The following FMN2 variants were observed in gnomAD, a reference collection of about 807,000 sequenced individuals.
The protein encoded by FMN2 is formin 2, also known as formin-2.
Under a neutral mutation model 142.3 loss-of-function variants are expected in FMN2, and 51 were observed. That is an observed-to-expected ratio of 0.36 (90% confidence interval 0.29 to 0.45). FMN2 has a LOEUF of 0.45. Ranked by LOEUF, FMN2 falls within the 20% of genes least tolerant of loss-of-function variation. The pLI is 1.00. For missense variants in FMN2, 1,936 were observed against 2,122.8 expected, an observed-to-expected ratio of 0.91 and a Z score of 1.73; for synonymous variants, 882 against 869.8, an observed-to-expected ratio of 1.01 and a Z score of -0.25.
chr1:240,302,415 A>G (rs1670231388), intron 8 of FMN2, among the ~76,000 whole-genome samples: 1 of 152,076 alleles, frequency 6.6e-6, no homozygotes, highest in South Asian at 2.1e-4. Context: ...AGAAAAATGA[A>G]TAAAAGAGAT....
intron 2 of FMN2, among the ~76,000 whole-genome samples, chr1:240,148,753 G>C (rs1043189891): frequency 6.6e-6 from 1 of 152,092 alleles, no homozygotes; most frequent in Non-Finnish European, 1.5e-5. Flanking sequence ...GGCCGAGGCG[G>C]GCGGATCACG....
intron 4 of FMN2, among the ~76,000 whole-genome samples, chr1:240,205,196 A>G (rs2103380833): frequency 6.6e-6 from 1 of 152,240 alleles, no homozygotes; most frequent in East Asian, 1.9e-4. Flanking sequence ...TGTTGCAGGA[A>G]ACCCTGGAAC....
chr1:240,280,581 A>G (rs904864977), intron 7 of FMN2, among the ~76,000 whole-genome samples: 1 of 152,166 alleles, frequency 6.6e-6, no homozygotes, highest in African/African-American at 2.4e-5. Flanking sequence ...TTACAAGAGC[A>G]TAAATGTTTA....
chr1:240,464,914 G>A lies in FMN2; in HGVS notation c.5061-7458G>A, dbSNP rs553402309. Among the ~76,000 whole-genome samples, 3 of 152,254 alleles carry A rather than the reference G, an allele frequency of 2.0e-5. No individual in the cohort carries two copies. The South Asian group carries it at 6.2e-4, about 32-fold the overall frequency. On this transcript the variant is annotated intron_variant, in intron 16 of 17. Transcript: ENST00000319653. ...ATTCCTGATCATTTGGGGTGCAAGC[G>A]CAGTGTTTTCTCTGAGAAAGTCAGA...
intron 8 of FMN2, among the ~76,000 whole-genome samples, chr1:240,322,899 C>A (rs565257582): frequency 7.0e-4 from 107 of 152,194 alleles, no homozygotes; most frequent in Non-Finnish European, 1.5e-3. Context: ...TTGTCTATGT[C>A]ATAACTTCTC....
At chr1:240,174,899 T>C (rs1664854974) in intron 2 of FMN2, among the ~76,000 whole-genome samples, 1 of 152,238 alleles carries the variant, frequency 6.6e-6, no homozygotes. Context: ...GTTATGTATA[T>C]TCACATTGTT....
In FMN2 at chr1:240,436,405, A is replaced by G. The variant is rs570679471; in HGVS notation, c.4911-1656A>G. On this transcript the variant is annotated intron_variant, in intron 15 of 17. Coordinates refer to ENST00000319653, the MANE Select transcript of FMN2 (RefSeq NM_020066.5). ...ATAGGCAAGTTTAAACACAGAGCAG[A>G]TTAGTCATACATTGGTAACCCACAG... 5.7e-4 allele frequency among the ~76,000 whole-genome samples: 87 copies of G among 152,326 alleles called. 1 individual carries two copies. In the South Asian group the frequency reaches 0.017, roughly 30 times the overall value.
At chr1:240,435,306 A>C (rs1054246791) in intron 15 of FMN2, among the ~76,000 whole-genome samples, 1 of 152,046 alleles carries the variant, frequency 6.6e-6, no homozygotes. Context: ...TGTGCTTTAT[A>C]TAACAGAGCC....
At chr1:240,419,783 G>T (rs939202266) in intron 15 of FMN2, among the ~76,000 whole-genome samples, 4 of 152,096 alleles carry the variant, frequency 2.6e-5, no homozygotes, top group Non-Finnish European at 5.9e-5. Context: ...TTGGTCAGGG[G>T]GTCCTGGATC....
intron 2 of FMN2, chr1:240,170,602 A>G: frequency 5.7e-6 from 9 of 1,573,916 alleles, no homozygotes; most frequent in South Asian, 1.1e-5. Flanking sequence ...GGGAACCAGC[A>G]CATTTTCTGA....
intron 14 of FMN2, 27 bp from the exon 15 acceptor site, chr1:240,392,484 T>G (rs1673636749): frequency 6.3e-7 from 1 of 1,598,744 alleles, no homozygotes; most frequent in Non-Finnish European, 8.6e-7. Flanking sequence ...ATTTATCTCA[T>G]GTACTTTTAT....
intron 16 of FMN2, among the ~76,000 whole-genome samples, chr1:240,450,666 A>G: frequency 6.6e-6 from 1 of 152,226 alleles, no homozygotes; most frequent in East Asian, 1.9e-4. Flanking sequence ...TAGATGAAAG[A>G]ACGTGCTCCT....
At chr1:240,144,762 A>T in intron 2 of FMN2, 1 of 1,344,148 alleles carries the variant, frequency 7.4e-7, no homozygotes, top group Non-Finnish European at 1.1e-6. Context: ...ATAAGGTCAC[A>T]GGCCTCATGC....
At chr1:240,428,484 C>T (rs1475600476) in intron 15 of FMN2, among the ~76,000 whole-genome samples, 2 of 152,136 alleles carry the variant, frequency 1.3e-5, no homozygotes, top group African/African-American at 4.8e-5. Context: ...GCCTTGGCAT[C>T]CTTAAGTGTT....
intron 13 of FMN2, among the ~76,000 whole-genome samples, chr1:240,335,989 C>T (rs1671541084): frequency 6.6e-6 from 1 of 151,490 alleles, no homozygotes; most frequent in Non-Finnish European, 1.5e-5. Context: ...ACTAAAAATA[C>T]AAAATTAGCC....
chr1:240,345,103 T>A (rs1291675422), intron 13 of FMN2, among the ~76,000 whole-genome samples: 1 of 152,222 alleles, frequency 6.6e-6, no homozygotes, highest in Non-Finnish European at 1.5e-5. Context: ...AACTGCTCAT[T>A]CTTCTAGATG....
intron 2 of FMN2, among the ~76,000 whole-genome samples, chr1:240,129,269 C>A (rs1662639381): frequency 6.6e-6 from 1 of 152,076 alleles, no homozygotes; most frequent in Non-Finnish European, 1.5e-5. Context: ...AAAAGCCTTG[C>A]CACATCTTTC....
chr1:240,274,009 CAGGG>C (rs957865576), intron 7 of FMN2, among the ~76,000 whole-genome samples: 1 of 152,068 alleles, frequency 6.6e-6, no homozygotes, highest in African/African-American at 2.4e-5. Context: ...ACATTAACAT[CAGGG>C]AGGCCATAAT....
At chr1:240,218,844 A>C (rs1216550464) in intron 6 of FMN2, among the ~76,000 whole-genome samples, 1 of 152,168 alleles carries the variant, frequency 6.6e-6, no homozygotes, top group Non-Finnish European at 1.5e-5. Context: ...CAAGAGAGAC[A>C]GTTTTGAGTA....
Sources: gnomAD v4.1 joint callset for allele counts (sites outside exome capture counted in the v4.1 genomes callset) on GRCh38, gnomAD v4.1.1 for gene constraint, MANE v1.5 for transcripts, NCBI Gene and HGNC (gene_info 2026-07-23, HGNC 2026-07-21) for gene names.